TLN2: variants seen among roughly 807,000 people sequenced by gnomAD.
TLN2 encodes the protein talin-2.
In TLN2, 118 loss-of-function variants were observed where a neutral mutation model predicts 294.7. That is an observed-to-expected ratio of 0.40 (90% CI 0.34 to 0.47). TLN2 has a LOEUF of 0.47. Among genes scored for constraint, TLN2 ranks in the 20% least tolerant of loss-of-function variants. The probability of loss-of-function intolerance (pLI) is 0.84; values close to 1 mark genes in which losing one functional copy is unlikely to be tolerated. For missense variants in TLN2, 3,083 were observed against 3,282.2 expected, an observed-to-expected ratio of 0.94 and a Z score of 1.48; for synonymous variants, 1,431 against 1,304.5, an observed-to-expected ratio of 1.10 and a Z score of -2.09.
At chr15:62,425,089 A>T (rs1484126505) in intron 1 of TLN2, among the ~76,000 whole-genome samples, 2 of 149,192 alleles carry the variant, frequency 1.3e-5, no homozygotes, top group African/African-American at 5.0e-5. Flanking sequence ...AGTAGCTGGG[A>T]CCACAGGGGC....
intron 1 of TLN2, among the ~76,000 whole-genome samples, chr15:62,504,846 TGAGAGAGAGAGAGA>T (rs56056575): frequency 2.1e-5 from 3 of 144,392 alleles, no homozygotes; most frequent in South Asian, 2.2e-4. Flanking sequence ...TGTGTGTGTG[TGAGAGAGAGAGAGA>T]GAGAGAGAGA....
chr15:62,755,776 CCT>C, intron 37 of TLN2, 83 bp downstream of exon 37: 2 of 1,521,316 alleles, frequency 1.3e-6, no homozygotes, highest in Non-Finnish European at 1.8e-6. Flanking sequence ...AAGCTCCACT[CCT>C]CTCCTTGTCT....
chr15:62,455,629 C>T (rs1291473116), intron 1 of TLN2, among the ~76,000 whole-genome samples: 1 of 152,202 alleles, frequency 6.6e-6, no homozygotes, highest in African/African-American at 2.4e-5. Context: ...TCTGGAAGGC[C>T]TCCAGCAACC....
At chr15:62,682,103 A>T (rs2056887393) in intron 11 of TLN2, among the ~76,000 whole-genome samples, 1 of 152,106 alleles carries the variant, frequency 6.6e-6, no homozygotes, top group Non-Finnish European at 1.5e-5. Context: ...CACACTTCCC[A>T]ACTCCCTGGC....
At chr15:62,625,334 C>T (rs1182416939) in intron 3 of TLN2, among the ~76,000 whole-genome samples, 1 of 152,160 alleles carries the variant, frequency 6.6e-6, no homozygotes, top group African/African-American at 2.4e-5. Context: ...ATGCTGTGGC[C>T]TGTTGTGGAG....
At chr15:62,771,255 C>A in intron 42 of TLN2, 121 bp downstream of exon 42, 1 of 1,130,084 alleles carries the variant, frequency 8.8e-7, no homozygotes, top group Non-Finnish European at 1.2e-6. Flanking sequence ...TTTGAGCTCC[C>A]ACTCTGAGAT....
chr15:62,671,691 T>G (rs535808419), intron 9 of TLN2, among the ~76,000 whole-genome samples: 12 of 152,362 alleles, frequency 7.9e-5, no homozygotes, highest in African/African-American at 2.9e-4. Flanking sequence ...GGCTTTGTAG[T>G]AAATATATTT....
At chr15:62,434,496 C>T (rs1420786264) in intron 1 of TLN2, among the ~76,000 whole-genome samples, 1 of 152,110 alleles carries the variant, frequency 6.6e-6, no homozygotes, top group East Asian at 1.9e-4. Flanking sequence ...CGCGCTCTTT[C>T]CCTTGCTTGC....
Position 62,719,803 on chromosome 15 carries a change from G to C in TLN2, c.2914G>C (p.Val972Leu). The C allele has an allele frequency of 6.2e-7, 1 of 1,611,968 alleles. No homozygotes were observed. Among genetic ancestry groups the C allele is most frequent in the Non-Finnish European group, 8.5e-7 (1 of 1,178,922 alleles). ...TCACATCCCTCAGCTGGTCCAGGGA[G>C]TGAGGGGGAGCCAAGCTCAAGCTGA... is the stretch of plus-strand genomic sequence containing the variant. ...ADHIPQLVQGVRGSQAQAEDL... is the reference protein window; with the variant it reads ...ADHIPQLVQGLRGSQAQAEDL... Residue 972 changes from valine (V) to leucine (L), a missense_variant, in exon 25 of 59, where the codon GTG (valine) becomes CTG (leucine). By Grantham distance (32) the Val-to-Leu change is conservative. Transcript: ENST00000636159.
chr15:62,649,693 G>A (rs1158063415), intron 4 of TLN2, among the ~76,000 whole-genome samples: 1 of 152,098 alleles, frequency 6.6e-6, no homozygotes, highest in African/African-American at 2.4e-5. Flanking sequence ...TTGGGCATAG[G>A]TGGTCACTTC....
At chr15:62,580,017 C>T (rs561078073) in intron 1 of TLN2, among the ~76,000 whole-genome samples, 15 of 152,316 alleles carry the variant, frequency 9.8e-5, no homozygotes, top group Admixed American at 2.0e-4. Flanking sequence ...GATCCTCCAT[C>T]GCTGCTTCCC....
At position 62,664,841 on chromosome 15, in the gene TLN2, A is replaced by G. The variant is rs933546276; in HGVS notation, c.788+6943A>G. Among the ~76,000 whole-genome samples the G allele has an allele frequency of 7.5e-5, 9 of 119,640 alleles. No homozygotes were observed. The Admixed American group carries it at 8.0e-4, about 11-fold the overall frequency. The allele number at this position is 119,640 out of a possible 152,430, so 78.5% of individuals were successfully genotyped here. On this transcript the variant is annotated intron_variant, in intron 9 of 58. Transcript: ENST00000636159. Reference sequence around the variant, plus strand: ...ATCATTGTACTCCAGCCTGGGCAACAAGAGGGAAACTGTCTCAAAAAAAAA... The same window carrying G: ...ATCATTGTACTCCAGCCTGGGCAACGAGAGGGAAACTGTCTCAAAAAAAAA...
chr15:62,833,879 G>A (rs1270570581), intron 55 of TLN2: 1 of 413,534 alleles, frequency 2.4e-6, no homozygotes, highest in South Asian at 5.7e-5. Context: ...AGTGACTGGG[G>A]CCTGAACGAG....
chr15:62,446,053 C>G (rs1346693426), intron 1 of TLN2, among the ~76,000 whole-genome samples: 2 of 151,564 alleles, frequency 1.3e-5, no homozygotes, highest in African/African-American at 2.4e-5. Flanking sequence ...GTCGCCCGGG[C>G]TGGAGTGCAG....
At chr15:62,491,238 T>C (rs191882136) in intron 1 of TLN2, among the ~76,000 whole-genome samples, 11 of 151,640 alleles carry the variant, frequency 7.3e-5, no homozygotes, top group Admixed American at 1.3e-4. Flanking sequence ...AGGAGAATCA[T>C]GTTGCTTGAA....
chr15:62,777,382 C>CA (rs1327749066), intron 43 of TLN2, among the ~76,000 whole-genome samples: 3 of 152,010 alleles, frequency 2.0e-5, no homozygotes, highest in African/African-American at 7.2e-5. Context: ...ACTAAAAATA[C>CA]AAAATTAGCC....
At chr15:62,464,365 T>C (rs1247003976) in intron 1 of TLN2, among the ~76,000 whole-genome samples, 1 of 152,076 alleles carries the variant, frequency 6.6e-6, no homozygotes, top group Non-Finnish European at 1.5e-5. Flanking sequence ...TAGGTGGGAA[T>C]TGAACAATGA....
chr15:62,660,010 T>C (rs933025393), intron 9 of TLN2, among the ~76,000 whole-genome samples: 1 of 152,200 alleles, frequency 6.6e-6, no homozygotes, highest in Admixed American at 6.5e-5. Flanking sequence ...CCTTTATATC[T>C]TTCCCAATCT....
chr15:62,424,233 G>A (rs1326836370), intron 1 of TLN2, among the ~76,000 whole-genome samples: 1 of 152,320 alleles, frequency 6.6e-6, no homozygotes, highest in East Asian at 1.9e-4. Context: ...TGATTGGGGT[G>A]GTTGTGGGGA....
Sources: allele counts gnomAD v4.1 joint callset (sites outside exome capture counted in the v4.1 genomes callset), GRCh38; gene constraint gnomAD v4.1.1; transcripts MANE v1.5; gene names NCBI Gene and HGNC (gene_info 2026-07-23, HGNC 2026-07-21).